The following VPS37C variants were observed in gnomAD, a reference collection of about 807,000 sequenced individuals.
VPS37C encodes vacuolar protein sorting-associated protein 37C.
A neutral mutation model predicts 16.1 loss-of-function variants in VPS37C; 9 were observed. That is an observed-to-expected ratio of 0.56 (90% CI 0.34 to 0.97). The LOEUF is 0.97. Ranked by LOEUF, VPS37C falls within the 50% of genes least tolerant of loss-of-function variation. VPS37C has a pLI of 0.02. For synonymous variants in VPS37C, 207 were observed against 206.4 expected, an observed-to-expected ratio of 1.00 and a Z score of -0.02; for missense variants, 479 against 472.7, an observed-to-expected ratio of 1.01 and a Z score of -0.12.
intron 1 of VPS37C, among the ~76,000 whole-genome samples, chr11:61,147,035 T>C (rs191908957): frequency 6.6e-6 from 1 of 152,286 alleles, no homozygotes; most frequent in Admixed American, 6.5e-5. Flanking sequence ...TCTAGGTGCA[T>C]CTTCCCATTT....
chr11:61,149,133 A>T (rs1289025623), intron 1 of VPS37C, among the ~76,000 whole-genome samples: 1 of 152,198 alleles, frequency 6.6e-6, no homozygotes. Context: ...AAAATACAAA[A>T]AAGTTAGCTG....
rs536425920 is a variant in VPS37C, at chr11:61,156,304, C to T, written c.-7+5087G>A. Among the ~76,000 whole-genome samples, 8 of 152,266 alleles carry T rather than the reference C, an allele frequency of 5.3e-5. No homozygotes were observed. In the East Asian group the frequency reaches 5.8e-4, roughly 11 times the overall value. On this transcript the variant is annotated intron_variant, in intron 1 of 4. Coordinates refer to ENST00000301765, the MANE Select transcript of VPS37C (RefSeq NM_017966.5). ...TGAGATTGGATTAAAAAGCAACCCC[C>T]GGCCAGGTGCAGTTGTTCACGCCTG...
intron 1 of VPS37C, among the ~76,000 whole-genome samples, chr11:61,156,337 A>G (rs1015507199): frequency 6.6e-6 from 1 of 152,344 alleles, no homozygotes; most frequent in Non-Finnish European, 1.5e-5. Flanking sequence ...CTGTAAACCC[A>G]GCACTTTGGG....
chr11:61,152,344 G>C (rs141447110), intron 1 of VPS37C, among the ~76,000 whole-genome samples: 1 of 152,262 alleles, frequency 6.6e-6, no homozygotes, highest in Non-Finnish European at 1.5e-5. Context: ...AACCAAGCCA[G>C]GGCCTTCTCA....
At position 61,138,848 on chromosome 11, in the gene VPS37C, T is replaced by C. The variant is rs1205734526; in HGVS notation, c.-6-13A>G. ...TCTCCATCCTTCCCTGTGAACACAG[T>C]GACACCAAAGTAACGAACAGGCAGC... On this transcript the variant is annotated splice_polypyrimidine_tract_variant and intron_variant, in intron 1 of 4. Transcript: ENST00000301765. 2 of 1,611,282 alleles carry C rather than the reference T, an allele frequency of 1.2e-6. No individual in the cohort carries two copies. Among genetic ancestry groups the C allele is most frequent in the Admixed American group, 3.3e-5 (2 of 59,972 alleles).
intron 1 of VPS37C, among the ~76,000 whole-genome samples, chr11:61,150,403 GC>G (rs1410273719): frequency 6.6e-6 from 1 of 151,980 alleles, no homozygotes; most frequent in East Asian, 1.9e-4. Context: ...TGGCTGTCTT[GC>G]CCCCCTCCTC....
chr11:61,138,961 G>A lies in VPS37C; in HGVS notation c.-6-126C>T. ...TGCGATAATACCACTCCACCGGGAG[G>A]CTCGAGGAGAGGCAGAAATCTCTGA... On this transcript the variant is annotated intron_variant, in intron 1 of 4. Transcript: ENST00000301765. 8 of 852,404 alleles carry A rather than the reference G, an allele frequency of 9.4e-6. 1 individual carries two copies. The South Asian group carries it at 1.2e-4, about 13-fold the overall frequency. 52.8% of individuals were successfully genotyped at this position (852,404 alleles called of 1,614,324 possible). A position where few individuals can be genotyped will look rare whatever the true frequency, so the allele number is the denominator to read the frequency against.
At chr11:61,145,727 C>A (rs1365308875) in intron 1 of VPS37C, among the ~76,000 whole-genome samples, 1 of 152,216 alleles carries the variant, frequency 6.6e-6, no homozygotes, top group Non-Finnish European at 1.5e-5. Context: ...AGGGACAAGT[C>A]CAAAGTGACA....
intron 1 of VPS37C, among the ~76,000 whole-genome samples, chr11:61,149,704 G>C (rs574227727): frequency 6.6e-6 from 1 of 152,286 alleles, no homozygotes; most frequent in East Asian, 1.9e-4. Flanking sequence ...TACATAGGGG[G>C]AATGTACAAT....
chr11:61,133,051 C>T (rs1380941962), intron 4 of VPS37C: 2 of 690,222 alleles, frequency 2.9e-6, no homozygotes, highest in Non-Finnish European at 5.2e-6. Flanking sequence ...CACTGTCACC[C>T]GTTTCTGCTT....
chr11:61,137,577 C>T (rs528961511), intron 2 of VPS37C, among the ~76,000 whole-genome samples: 81 of 152,352 alleles, frequency 5.3e-4, no homozygotes, highest in African/African-American at 1.8e-3. Flanking sequence ...GCAGGCAGAG[C>T]TGCACTGTGC....
At chr11:61,158,816 T>G (rs1397989393) in intron 1 of VPS37C, among the ~76,000 whole-genome samples, 4 of 152,130 alleles carry the variant, frequency 2.6e-5, no homozygotes, top group Non-Finnish European at 4.4e-5. Context: ...CATAAACCAG[T>G]AAAGGAAGAT....
chr11:61,160,835 G>A (rs1017431340), intron 1 of VPS37C, among the ~76,000 whole-genome samples: 5 of 152,234 alleles, frequency 3.3e-5, no homozygotes, highest in African/African-American at 4.8e-5. Context: ...AATGTTCAGT[G>A]ATGCTGGGAG....
chr11:61,136,318 C>T (rs1397310978), intron 2 of VPS37C, among the ~76,000 whole-genome samples: 1 of 151,994 alleles, frequency 6.6e-6, no homozygotes, highest in East Asian at 1.9e-4. Context: ...GGACTACAGG[C>T]ACGTGCCACC....
intron 1 of VPS37C, among the ~76,000 whole-genome samples, chr11:61,146,579 G>C (rs1224873483): frequency 6.6e-6 from 1 of 152,224 alleles, no homozygotes; most frequent in Non-Finnish European, 1.5e-5. Context: ...GGGGCTGGGA[G>C]GGGAGGAGGA....
chr11:61,132,111 G>A lies in VPS37C; in HGVS notation c.777C>T (p.Ser259=). The A allele has an allele frequency of 5.6e-6, 8 of 1,432,476 alleles. 1 individual carries two copies. In the South Asian group the frequency reaches 6.1e-5, roughly 11 times the overall value. 88.7% of individuals were successfully genotyped at this position (1,432,476 alleles called of 1,614,324 possible). A position where few individuals can be genotyped will look rare whatever the true frequency, so the allele number is the denominator to read the frequency against. Residue 259 remains serine (S), a synonymous_variant, in exon 5 of 5, where the codon TCC becomes TCT. Coordinates refer to ENST00000301765, the MANE Select transcript of VPS37C (RefSeq NM_017966.5). ...GTGGCATGCTCCTCTGTGGGGACCA[G>A]GAGTAACCCGCAGCACCCCTGGGTC... is the stretch of plus-strand genomic sequence containing the variant. ...QLGPRGAAGY[S]WSPQRSMPPR...
Position 61,132,414 on chromosome 11 carries a change from C to T in VPS37C, c.474G>A (p.Arg158=). ...CCAGCTCCTGGGAAGCCCTGGGCTTCCTCACCACTTCCTGGAGCTTTTCCA... is the reference window on the plus strand; with the variant it reads ...CCAGCTCCTGGGAAGCCCTGGGCTTTCTCACCACTTCCTGGAGCTTTTCCA... The part of the protein sequence containing the change: ...VRVEKLQEVV[R]KPRASQELAG... Residue 158 remains arginine (R), a synonymous_variant, in exon 5 of 5, where the codon AGG becomes AGA. Coordinates refer to ENST00000301765, the MANE Select transcript of VPS37C (RefSeq NM_017966.5). 6.2e-7 allele frequency: 1 copy of T among 1,609,592 alleles called. No individual in the cohort carries two copies. The highest frequency in any genetic ancestry group is 8.5e-7 in the Non-Finnish European group (1 of 1,177,982).
intron 1 of VPS37C, among the ~76,000 whole-genome samples, chr11:61,152,398 A>C (rs1044059259): frequency 6.6e-6 from 1 of 152,176 alleles, no homozygotes; most frequent in Non-Finnish European, 1.5e-5. Context: ...GGCCATTATC[A>C]AACAAAGGGT....
chr11:61,157,926 C>T (rs1171807595), intron 1 of VPS37C, among the ~76,000 whole-genome samples: 1 of 152,178 alleles, frequency 6.6e-6, no homozygotes, highest in Non-Finnish European at 1.5e-5. Context: ...CTTAAAAGGG[C>T]CTGGCATCTC....
Sources: gnomAD v4.1 joint callset for allele counts (sites outside exome capture counted in the v4.1 genomes callset) on GRCh38, gnomAD v4.1.1 for gene constraint, MANE v1.5 for transcripts, NCBI Gene and HGNC (gene_info 2026-07-23, HGNC 2026-07-21) for gene names.